The following BAIAP2L1 variants were observed in gnomAD, a reference collection of about 807,000 sequenced individuals.
BAIAP2L1 encodes the protein BAR/IMD domain-containing adapter protein 2-like 1.
In BAIAP2L1, 35 loss-of-function variants were observed where a neutral mutation model predicts 66.3. The ratio of observed to expected loss-of-function variants is 0.53; its 90% CI spans 0.40 to 0.70. The LOEUF is 0.70. BAIAP2L1 is among the 30% of genes least tolerant of loss of function. The probability of loss-of-function intolerance (pLI) is 0.00; values close to 1 mark genes in which losing one functional copy is unlikely to be tolerated. For synonymous variants in BAIAP2L1, 269 were observed against 248.7 expected (o/e 1.08, Z -0.77); for missense variants, 622 against 656.9 (o/e 0.95, Z 0.58).
chr7:98,357,020 A>AAAAAT (rs1554337328), intron 2 of BAIAP2L1, among the ~76,000 whole-genome samples: 3 of 28,098 alleles, frequency 1.1e-4, no homozygotes, highest in African/African-American at 2.3e-4. Flanking sequence ...AAAAAAAAAA[A>AAAAAT]ATATATATAT....
rs865788036 is a variant in BAIAP2L1 at position 98,353,544 on chromosome 7, T to G, written c.214+1498A>C. On this transcript the variant is annotated intron_variant, in intron 3 of 13. Coordinates refer to ENST00000005260, the MANE Select transcript of BAIAP2L1 (RefSeq NM_018842.5). ...ATATATTTATAAATATACATATATT[T>G]ATATTATAAATATATGTATATTAAT... is the stretch of plus-strand genomic sequence containing the variant. Among the ~76,000 whole-genome samples the G allele has an allele frequency of 3.8e-4, 52 of 136,076 alleles. No homozygotes were observed. In the South Asian group the frequency reaches 0.011, roughly 28 times the overall value. The allele number at this position is 136,076 out of a possible 152,430, so 89.3% of individuals were successfully genotyped here. A position where few individuals can be genotyped will look rare whatever the true frequency, so the allele number is the denominator to read the frequency against.
At chr7:98,376,525 A>G (rs539321047) in intron 1 of BAIAP2L1, among the ~76,000 whole-genome samples, 24 of 149,116 alleles carry the variant, frequency 1.6e-4, no homozygotes, top group Non-Finnish European at 2.8e-4. Flanking sequence ...AAAACAAAAC[A>G]AAACCAACCC....
chr7:98,296,312 G>C (rs1800189776), intron 12 of BAIAP2L1, among the ~76,000 whole-genome samples: 1 of 152,206 alleles, frequency 6.6e-6, no homozygotes, highest in South Asian at 2.1e-4. Flanking sequence ...GTGGTATTCT[G>C]TAATACAATG....
At chr7:98,375,755 A>AG (rs1490311079) in intron 1 of BAIAP2L1, among the ~76,000 whole-genome samples, 1 of 151,444 alleles carries the variant, frequency 6.6e-6, no homozygotes, top group Admixed American at 6.6e-5. Context: ...AAAAAAAAAA[A>AG]AAAAAAAGAA....
At chr7:98,398,605 C>A (rs1418138127) in intron 1 of BAIAP2L1, among the ~76,000 whole-genome samples, 1 of 152,130 alleles carries the variant, frequency 6.6e-6, no homozygotes, top group Non-Finnish European at 1.5e-5. Context: ...CTTTGATCTC[C>A]ATTTACAGTG....
chr7:98,294,513 A>G (rs1166009329), intron 12 of BAIAP2L1, among the ~76,000 whole-genome samples: 2 of 152,200 alleles, frequency 1.3e-5, no homozygotes, highest in Non-Finnish European at 2.9e-5. Flanking sequence ...TCGGGAGCTC[A>G]CATGTGAACG....
intron 12 of BAIAP2L1, among the ~76,000 whole-genome samples, chr7:98,298,801 G>A (rs1167577125): frequency 6.6e-6 from 1 of 152,110 alleles, no homozygotes; most frequent in South Asian, 2.1e-4. Context: ...TGTGTCCCCA[G>A]CCCTCAAGGG....
intron 1 of BAIAP2L1, among the ~76,000 whole-genome samples, chr7:98,385,557 A>G (rs1357336617): frequency 2.0e-5 from 3 of 151,626 alleles, no homozygotes; most frequent in Non-Finnish European, 4.4e-5. Flanking sequence ...GATTACAGCC[A>G]CACGCCCCCA....
intron 1 of BAIAP2L1, among the ~76,000 whole-genome samples, chr7:98,383,094 C>T (rs556180780): frequency 2.3e-4 from 35 of 151,796 alleles, no homozygotes; most frequent in Admixed American, 1.6e-3. Flanking sequence ...ACCCAGGAGG[C>T]GGAGGCTGCA....
chr7:98,391,933 G>A (rs957638287), intron 1 of BAIAP2L1, among the ~76,000 whole-genome samples: 4 of 152,062 alleles, frequency 2.6e-5, no homozygotes, highest in African/African-American at 7.2e-5. Flanking sequence ...GCATGAAATC[G>A]TAGGTGTTCT....
chr7:98,376,897 G>T (rs1222247045), intron 1 of BAIAP2L1, among the ~76,000 whole-genome samples: 4 of 148,222 alleles, frequency 2.7e-5, no homozygotes, highest in African/African-American at 1.0e-4. Context: ...TGCTATGAAG[G>T]TATTTTGTAG....
At chr7:98,294,211 T>TA in intron 12 of BAIAP2L1, 100 bp from the exon 13 acceptor site, 1 of 1,289,318 alleles carries the variant, frequency 7.8e-7, no homozygotes, top group Non-Finnish European at 1.1e-6. Context: ...CAGGCTGGTT[T>TA]CGAACTCCTG....
intron 1 of BAIAP2L1, among the ~76,000 whole-genome samples, chr7:98,397,450 G>C (rs774137073): frequency 6.7e-6 from 1 of 148,702 alleles, no homozygotes; most frequent in African/African-American, 2.5e-5. Flanking sequence ...TCAGCCTCCC[G>C]AGTAGCTGGG....
intron 1 of BAIAP2L1, among the ~76,000 whole-genome samples, chr7:98,390,002 G>A (rs1341536987): frequency 4.9e-5 from 6 of 123,406 alleles, no homozygotes; most frequent in Non-Finnish European, 7.7e-5. Context: ...TGCAAGCTCC[G>A]CCTCCCGGGT....
chr7:98,327,356 GTAAA>G lies in BAIAP2L1; in HGVS notation c.215-7062_215-7059del, dbSNP rs57971788. ...AGCCTAGGCAACAGAGCAAGACCTT[GTAAA>G]TAAATAAATAAATAAATAAATAAAT... On this transcript the variant is annotated intron_variant, in intron 3 of 13. Coordinates refer to ENST00000005260, the MANE Select transcript of BAIAP2L1 (RefSeq NM_018842.5). 4.1e-3 allele frequency among the ~76,000 whole-genome samples: 588 copies of G among 142,406 alleles called. 1 individual carries two copies. Among genetic ancestry groups the G allele is most frequent in the African/African-American group, 0.013 (486 of 38,490 alleles). 93.4% of individuals were successfully genotyped at this position (142,406 alleles called of 152,430 possible). A position where few individuals can be genotyped will look rare whatever the true frequency, so the allele number is the denominator to read the frequency against.
At chr7:98,339,449 A>C (rs902153785) in intron 3 of BAIAP2L1, among the ~76,000 whole-genome samples, 17 of 152,236 alleles carry the variant, frequency 1.1e-4, no homozygotes, top group Non-Finnish European at 4.4e-5. Flanking sequence ...GAAAGAGTAC[A>C]TAGGGAAGTG....
intron 3 of BAIAP2L1, among the ~76,000 whole-genome samples, chr7:98,348,932 CA>C (rs1801937105): frequency 6.6e-6 from 1 of 152,238 alleles, no homozygotes; most frequent in Non-Finnish European, 1.5e-5. Context: ...CCAGCAGTCT[CA>C]GGGGAAAGTG....
intron 12 of BAIAP2L1, among the ~76,000 whole-genome samples, chr7:98,298,302 G>A (rs1422797468): frequency 6.6e-6 from 1 of 151,794 alleles, no homozygotes; most frequent in African/African-American, 2.4e-5. Flanking sequence ...ATAAAACCAT[G>A]TATAAAAATG....
chr7:98,313,070 T>C (rs1011844483), intron 7 of BAIAP2L1, among the ~76,000 whole-genome samples: 1 of 151,604 alleles, frequency 6.6e-6, no homozygotes, highest in Non-Finnish European at 1.5e-5. Flanking sequence ...GGGGGGCTGA[T>C]GTCAGTCCTG....
Sources: allele counts gnomAD v4.1 joint callset (sites outside exome capture counted in the v4.1 genomes callset), GRCh38; gene constraint gnomAD v4.1.1; transcripts MANE v1.5; gene names NCBI Gene and HGNC (gene_info 2026-07-23, HGNC 2026-07-21).